Variants in MACROD1 observed in about 807,000 individuals in gnomAD.
The protein encoded by MACROD1 is ADP-ribose glycohydrolase MACROD1.
MACROD1 carries 31 observed loss-of-function variants against 41.4 expected under a neutral mutation model. That is an observed-to-expected ratio of 0.75 (90% CI 0.56 to 1.01). The LOEUF (loss-of-function observed/expected upper bound fraction) is 1.01. Ranked by LOEUF, MACROD1 falls within the 50% of genes least tolerant of loss-of-function variation. MACROD1 has a pLI of 0.00. For missense variants in MACROD1, 473 were observed against 460.0 expected (o/e 1.03, Z -0.26); for synonymous variants, 252 against 203.4 (o/e 1.24, Z -2.03).
chr11:64,051,157 C>T (rs1265125262), intron 3 of MACROD1, among the ~76,000 whole-genome samples: 1 of 152,270 alleles, frequency 6.6e-6, no homozygotes, highest in African/African-American at 2.4e-5. Context: ...GACCACTCAC[C>T]TAGCCACCTT....
At chr11:64,079,042 T>C (rs1944257163) in intron 3 of MACROD1, among the ~76,000 whole-genome samples, 1 of 141,332 alleles carries the variant, frequency 7.1e-6, no homozygotes, top group Non-Finnish European at 1.5e-5. Context: ...AGGGGCTTGC[T>C]GAGCCGCTGT....
intron 4 of MACROD1, among the ~76,000 whole-genome samples, chr11:64,012,699 T>C (rs1205861767): frequency 6.6e-6 from 1 of 152,126 alleles, no homozygotes; most frequent in African/African-American, 2.4e-5. Context: ...GCTCCTGGCC[T>C]TAATTTTTAT....
At chr11:64,015,153 T>G (rs1041580173) in intron 4 of MACROD1, 99 bp downstream of exon 4, 13 of 1,255,434 alleles carry the variant, frequency 1.0e-5, no homozygotes, top group African/African-American at 1.5e-5. Flanking sequence ...GAAGGTGGAT[T>G]GCAGTGAGAT....
chr11:64,116,336 G>C (rs1210649154), intron 3 of MACROD1: 2 of 1,611,520 alleles, frequency 1.2e-6, no homozygotes. Context: ...CCACCGTTGT[G>C]ATGACCACGG....
chr11:64,109,230 G>A (rs1304441067), intron 3 of MACROD1, among the ~76,000 whole-genome samples: 1 of 152,132 alleles, frequency 6.6e-6, no homozygotes, highest in East Asian at 1.9e-4. Flanking sequence ...GGTTCCATGA[G>A]GGCCAGGAGC....
chr11:64,062,330 A>C (rs1943920567), intron 3 of MACROD1, among the ~76,000 whole-genome samples: 1 of 152,140 alleles, frequency 6.6e-6, no homozygotes, highest in Non-Finnish European at 1.5e-5. Flanking sequence ...TGTCTCCCAG[A>C]GGGAGTCCTG....
intron 4 of MACROD1, among the ~76,000 whole-genome samples, chr11:64,014,444 C>T (rs2134340199): frequency 6.6e-6 from 1 of 152,330 alleles, no homozygotes; most frequent in East Asian, 1.9e-4. Context: ...TTTATTTTTC[C>T]CCCTTTTAAA....
intron 3 of MACROD1, among the ~76,000 whole-genome samples, chr11:64,045,892 G>A (rs1426408379): frequency 2.0e-5 from 3 of 152,154 alleles, no homozygotes; most frequent in Non-Finnish European, 4.4e-5. Flanking sequence ...TTTGAGACCA[G>A]CCTGGGCAAC....
At chr11:64,048,989 C>G (rs897269988) in intron 3 of MACROD1, among the ~76,000 whole-genome samples, 1 of 152,244 alleles carries the variant, frequency 6.6e-6, no homozygotes, top group African/African-American at 2.4e-5. Flanking sequence ...AACTGATGCT[C>G]AGAGAGACAG....
At chr11:64,030,129 C>T (rs1325918616) in intron 3 of MACROD1, among the ~76,000 whole-genome samples, 1 of 152,064 alleles carries the variant, frequency 6.6e-6, no homozygotes, top group Non-Finnish European at 1.5e-5. Context: ...CCCCACCCAC[C>T]CAGGGGCAGC....
intron 3 of MACROD1, among the ~76,000 whole-genome samples, chr11:64,039,244 G>T (rs769526748): frequency 6.6e-6 from 1 of 152,132 alleles, no homozygotes; most frequent in Admixed American, 6.5e-5. Flanking sequence ...AAGAAGGGGC[G>T]TGGGTGTGGC....
chr11:64,051,484 C>T (rs2134413273), intron 3 of MACROD1, among the ~76,000 whole-genome samples: 1 of 152,326 alleles, frequency 6.6e-6, no homozygotes, highest in Non-Finnish European at 1.5e-5. Context: ...GGGGCGGGGG[C>T]ACCCTCTCGG....
Position 64,082,249 on chromosome 11 carries a change from G to C in MACROD1, c.518-66968C>G, listed in dbSNP as rs1279145283. Among the ~76,000 whole-genome samples the C allele has an allele frequency of 1.3e-5, 2 of 152,180 alleles. No individual in the cohort carries two copies. Among genetic ancestry groups the C allele is most frequent in the African/African-American group, 4.8e-5 (2 of 41,450 alleles). The stretch of plus-strand genomic sequence containing the variant: ...GGCAGCACTGGGCCCCTGCTTAGCA[G>C]AGGATGGCTGAGCCTGGGGGGTGGA... On this transcript the variant is annotated intron_variant, in intron 3 of 10. Transcript: ENST00000255681. This position sits in a 1 kb window ranked among gnomAD's most constrained non-coding sequence, Gnocchi z 4.5.
chr11:64,065,778 C>T (rs1158275388), intron 3 of MACROD1, among the ~76,000 whole-genome samples: 2 of 132,060 alleles, frequency 1.5e-5, no homozygotes, highest in Admixed American at 7.8e-5. Flanking sequence ...CGACAGAGCA[C>T]GACTCCGCCT....
chr11:64,115,807 T>A (rs1590930360), intron 3 of MACROD1, among the ~76,000 whole-genome samples: 1 of 152,166 alleles, frequency 6.6e-6, no homozygotes, highest in Admixed American at 6.5e-5. Flanking sequence ...CCTAAATCCA[T>A]CCCATCCATA....
At chr11:64,149,100 G>T (rs71454597) in intron 3 of MACROD1, 17 of 847,070 alleles carry the variant, frequency 2.0e-5, no homozygotes, top group Non-Finnish European at 2.1e-5. Flanking sequence ...CAAGCAGGGG[G>T]AGGTGAAAGC....
chr11:64,008,092 G>A (rs1942943101), intron 4 of MACROD1, among the ~76,000 whole-genome samples: 6 of 152,242 alleles, frequency 3.9e-5, no homozygotes, highest in Admixed American at 3.3e-4. Context: ...GGAGTCGAGC[G>A]CTGAATACTT....
At chr11:64,051,123 A>G (rs1280099947) in intron 3 of MACROD1, among the ~76,000 whole-genome samples, 2 of 152,196 alleles carry the variant, frequency 1.3e-5, no homozygotes, top group Non-Finnish European at 2.9e-5. Context: ...TGCAGCCCCC[A>G]AAGCCCCAGG....
chr11:64,149,758 C>T (rs1945548097), intron 3 of MACROD1, among the ~76,000 whole-genome samples: 1 of 152,254 alleles, frequency 6.6e-6, no homozygotes, highest in Non-Finnish European at 1.5e-5. Flanking sequence ...TGCCTGACTG[C>T]CCCCTCAGCC....
Sources: gnomAD v4.1 joint callset for allele counts (sites outside exome capture counted in the v4.1 genomes callset) on GRCh38, gnomAD v4.1.1 for gene constraint, Gnocchi (gnomAD v3.1) non-coding constraint, MANE v1.5 for transcripts, NCBI Gene and HGNC (gene_info 2026-07-23, HGNC 2026-07-21) for gene names.